The following STRN variants were observed in gnomAD, a reference collection of about 807,000 sequenced individuals.
STRN encodes the protein protein phosphatase 2 regulatory subunit B'''alpha.
In STRN, 53 loss-of-function variants were observed where a neutral mutation model predicts 96.3. The observed-to-expected ratio is 0.55, with a 90% CI of 0.44 to 0.69. The LOEUF (loss-of-function observed/expected upper bound fraction) is 0.69, where lower values mean the gene tolerates loss of function less well. Ranked by LOEUF, STRN falls within the 30% of genes least tolerant of loss-of-function variation. The pLI is 0.00. For synonymous variants in STRN, 428 were observed against 355.9 expected, an observed-to-expected ratio of 1.20 and a Z score of -2.28; for missense variants, 987 against 963.9, an observed-to-expected ratio of 1.02 and a Z score of -0.32.
chr2:36,897,972 C>T (rs192084996), intron 6 of STRN, among the ~76,000 whole-genome samples: 1 of 151,988 alleles, frequency 6.6e-6, no homozygotes, highest in East Asian at 1.9e-4. Flanking sequence ...GTTACAGGCA[C>T]AAGCCACTGC....
At chr2:36,966,180 A>G in intron 1 of STRN, 50 bp downstream of exon 1, 1 of 1,458,108 alleles carries the variant, frequency 6.9e-7, no homozygotes. Context: ...GGCGGGGCGG[A>G]AGGGAGCAAA....
intron 7 of STRN, among the ~76,000 whole-genome samples, chr2:36,888,622 A>C (rs1669301163): frequency 7.2e-6 from 1 of 139,650 alleles, no homozygotes; most frequent in South Asian, 2.4e-4. Flanking sequence ...ACTATATTTC[A>C]TGGGTTTTTA....
At chr2:36,869,777 G>A (rs1668717426) in intron 10 of STRN, 48 bp from the exon 11 acceptor site, 2 of 1,397,142 alleles carry the variant, frequency 1.4e-6, no homozygotes, top group South Asian at 1.8e-5. Flanking sequence ...GTTAAGGATA[G>A]GGGAAAAAAC....
chr2:36,888,737 C>T (rs1310210120), intron 7 of STRN, among the ~76,000 whole-genome samples: 1 of 151,856 alleles, frequency 6.6e-6, no homozygotes, highest in South Asian at 2.1e-4. Flanking sequence ...CTGGGGTGCA[C>T]TGTCACAATC....
At chr2:36,914,901 T>C (rs1490318247) in intron 3 of STRN, among the ~76,000 whole-genome samples, 2 of 152,094 alleles carry the variant, frequency 1.3e-5, no homozygotes, top group Non-Finnish European at 2.9e-5. Flanking sequence ...CTTTAAAATT[T>C]AAAGTGAATA....
chr2:36,942,563 T>C (rs574031342), intron 1 of STRN, among the ~76,000 whole-genome samples: 20 of 152,318 alleles, frequency 1.3e-4, no homozygotes, highest in Non-Finnish European at 2.8e-4. Context: ...GAGACTACTA[T>C]AAGCGGGATC....
intron 1 of STRN, among the ~76,000 whole-genome samples, chr2:36,953,748 CT>C (rs1288802662): frequency 1.3e-5 from 2 of 152,202 alleles, no homozygotes; most frequent in Non-Finnish European, 2.9e-5. Flanking sequence ...AGAAAGTGAT[CT>C]TATTTTGTCA....
intron 7 of STRN, among the ~76,000 whole-genome samples, chr2:36,891,645 T>C (rs778201405): frequency 1.2e-4 from 18 of 152,222 alleles, no homozygotes; most frequent in Non-Finnish European, 1.9e-4. Context: ...CTTGTAGACC[T>C]TGTGCCACTG....
intron 7 of STRN, among the ~76,000 whole-genome samples, chr2:36,887,454 G>A (rs533433542): frequency 1.3e-5 from 2 of 151,472 alleles, no homozygotes. Context: ...TGGGCAACAG[G>A]AGCAAAACTC....
intron 7 of STRN, among the ~76,000 whole-genome samples, chr2:36,888,542 C>A (rs1334588875): frequency 2.0e-5 from 3 of 152,108 alleles, no homozygotes; most frequent in Non-Finnish European, 4.4e-5. Flanking sequence ...ACACTTCTTC[C>A]CCAGATGGCC....
At chr2:36,961,368 C>T (rs566044101) in intron 1 of STRN, among the ~76,000 whole-genome samples, 1 of 152,052 alleles carries the variant, frequency 6.6e-6, no homozygotes, top group African/African-American at 2.4e-5. Flanking sequence ...CCTGCCTCAG[C>T]CTCAATCCCA....
At chr2:36,918,931 G>A (rs570147408) in intron 2 of STRN, among the ~76,000 whole-genome samples, 1 of 152,100 alleles carries the variant, frequency 6.6e-6, no homozygotes, top group Non-Finnish European at 1.5e-5. Flanking sequence ...GCAACTCCAT[G>A]TTTGATACAC....
chr2:36,890,775 C>T (rs1054230212), intron 7 of STRN, among the ~76,000 whole-genome samples: 3 of 152,044 alleles, frequency 2.0e-5, no homozygotes, highest in African/African-American at 4.8e-5. Context: ...TGAGCCACTG[C>T]GCCTGGCCCA....
chr2:36,962,565 T>G (rs1665053242), intron 1 of STRN, among the ~76,000 whole-genome samples: 1 of 151,860 alleles, frequency 6.6e-6, no homozygotes, highest in African/African-American at 2.4e-5. Context: ...TCTCATTCTG[T>G]CGCCAGGCTG....
chr2:36,857,633 C>T (rs1244766873), intron 14 of STRN, among the ~76,000 whole-genome samples: 2 of 151,934 alleles, frequency 1.3e-5, no homozygotes, highest in Non-Finnish European at 2.9e-5. Context: ...GCACTCCAGC[C>T]TGGGCAACAG....
chr2:36,876,980 C>T (rs1207092786), intron 10 of STRN, among the ~76,000 whole-genome samples: 1 of 152,106 alleles, frequency 6.6e-6, no homozygotes, highest in Non-Finnish European at 1.5e-5. Context: ...GATCTCCTGA[C>T]CTCGTGATCC....
intron 1 of STRN, among the ~76,000 whole-genome samples, chr2:36,963,400 A>G (rs1572705380): frequency 6.6e-6 from 1 of 152,362 alleles, no homozygotes; most frequent in Admixed American, 6.5e-5. Context: ...GCCGTATTTC[A>G]TCACAACGCA....
At chr2:36,949,524 T>G (rs1664700849) in intron 1 of STRN, among the ~76,000 whole-genome samples, 1 of 152,240 alleles carries the variant, frequency 6.6e-6, no homozygotes, top group African/African-American at 2.4e-5. Flanking sequence ...GACTTCTACT[T>G]TAGTCACCCA....
intron 15 of STRN, among the ~76,000 whole-genome samples, chr2:36,852,496 C>G (rs1032249263): frequency 6.6e-6 from 1 of 152,042 alleles, no homozygotes; most frequent in African/African-American, 2.4e-5. Flanking sequence ...GCTAAAGGAT[C>G]TAGGGGAATA....
Sources: allele counts gnomAD v4.1 joint callset (sites outside exome capture counted in the v4.1 genomes callset), GRCh38; gene constraint gnomAD v4.1.1; transcripts MANE v1.5; gene names NCBI Gene and HGNC (gene_info 2026-07-23, HGNC 2026-07-21).